The following MDGA2 variants were observed in gnomAD, a reference collection of about 807,000 sequenced individuals.
MDGA2 encodes the protein MAM domain-containing glycosylphosphatidylinositol anchor protein 2.
A neutral mutation model predicts 117.8 loss-of-function variants in MDGA2; 40 were observed. The observed-to-expected ratio is 0.34, with a 90% CI of 0.26 to 0.44. MDGA2 has a LOEUF of 0.44. Among genes scored for constraint, MDGA2 ranks in the 20% least tolerant of loss-of-function variants. The pLI, the probability that MDGA2 is intolerant of heterozygous loss-of-function variation, is 1.00. For missense variants in MDGA2, 1,123 were observed against 1,250.6 expected, an observed-to-expected ratio of 0.90 and a Z score of 1.54; for synonymous variants, 452 against 439.0, an observed-to-expected ratio of 1.03 and a Z score of -0.37.
intron 10 of MDGA2, among the ~76,000 whole-genome samples, chr14:46,890,872 T>G (rs1257833308): frequency 6.6e-6 from 1 of 152,104 alleles, no homozygotes; most frequent in Admixed American, 6.6e-5. Flanking sequence ...TGAAAAAACA[T>G]TGAATCTAAA....
chr14:46,896,019 T>C (rs971333244), intron 10 of MDGA2, among the ~76,000 whole-genome samples: 2 of 152,182 alleles, frequency 1.3e-5, no homozygotes, highest in African/African-American at 2.4e-5. Flanking sequence ...AAATTATTTA[T>C]AATAATAGCT....
At chr14:47,313,890 G>A (rs2139850560) in intron 1 of MDGA2, among the ~76,000 whole-genome samples, 1 of 152,120 alleles carries the variant, frequency 6.6e-6, no homozygotes, top group Admixed American at 6.5e-5. Context: ...ATTACTGTAA[G>A]ACGACAAATT....
chr14:46,996,956 T>C (rs17117907), intron 8 of MDGA2: 36,039 of 391,032 alleles, frequency 0.092, 2,374 homozygotes, highest in South Asian at 0.15. Context: ...GTAGGGAACT[T>C]TGGTGGGAAT....
rs34274638 is a variant in MDGA2, at chr14:47,375,201, GA to G, written c.281-73652del. On this transcript the variant is annotated intron_variant, in intron 1 of 16. Transcript: ENST00000399232. The stretch of plus-strand genomic sequence containing the variant: ...GACTTTCATATACAGTGCCTCTTAG[GA>G]AAAAAAAAAACATTTAGTAACAGTT... 3.2e-3 allele frequency among the ~76,000 whole-genome samples: 458 copies of G among 143,594 alleles called. 3 individuals carry two copies. The highest frequency in any genetic ancestry group is 0.011 in the Middle Eastern group (3 of 282). 94.2% of individuals were successfully genotyped at this position (143,594 alleles called of 152,430 possible).
chr14:47,287,940 G>C (rs1248563658), intron 2 of MDGA2, among the ~76,000 whole-genome samples: 2 of 152,132 alleles, frequency 1.3e-5, no homozygotes, highest in Non-Finnish European at 2.9e-5. Flanking sequence ...GGGACACCTA[G>C]GATTGCCAGC....
At chr14:46,964,546 A>G (rs570972268) in intron 8 of MDGA2, among the ~76,000 whole-genome samples, 1 of 152,322 alleles carries the variant, frequency 6.6e-6, no homozygotes, top group African/African-American at 2.4e-5. Flanking sequence ...TTGCTAGAAC[A>G]ACTTGAAAAC....
At chr14:47,076,870 A>C (rs972175481) in intron 6 of MDGA2, among the ~76,000 whole-genome samples, 16 of 152,126 alleles carry the variant, frequency 1.1e-4, no homozygotes, top group African/African-American at 3.9e-4. Context: ...TTATTCATGG[A>C]AACAAAATAG....
intron 1 of MDGA2, among the ~76,000 whole-genome samples, chr14:47,416,202 A>T (rs2138496829): frequency 6.6e-6 from 1 of 152,286 alleles, no homozygotes; most frequent in South Asian, 2.1e-4. Context: ...AGGGAAATTG[A>T]TCTGTAGCTG....
At chr14:47,375,908 CT>C (rs1287511401) in intron 1 of MDGA2, among the ~76,000 whole-genome samples, 3 of 152,116 alleles carry the variant, frequency 2.0e-5, no homozygotes, top group Non-Finnish European at 4.4e-5. Context: ...AGTGGGTAAT[CT>C]ATTACCTATT....
At chr14:47,373,387 C>T (rs1470689263) in intron 1 of MDGA2, among the ~76,000 whole-genome samples, 3 of 151,888 alleles carry the variant, frequency 2.0e-5, no homozygotes, top group Non-Finnish European at 1.5e-5. Flanking sequence ...ACATTCATAT[C>T]ATCACTATTT....
intron 3 of MDGA2, chr14:47,201,105 C>T (rs1885491152): frequency 9.9e-6 from 8 of 811,408 alleles, no homozygotes; most frequent in Admixed American, 5.1e-5. Context: ...CCTCCGCCAT[C>T]TTCGGCAGCA....
intron 1 of MDGA2, among the ~76,000 whole-genome samples, chr14:47,369,773 T>A (rs1891305661): frequency 1.3e-5 from 2 of 152,156 alleles, no homozygotes; most frequent in East Asian, 1.9e-4. Context: ...GATTAATCAT[T>A]AAAAAGTTGA....
At chr14:47,648,351 C>T (rs1180443647) in intron 1 of MDGA2, among the ~76,000 whole-genome samples, 3 of 152,084 alleles carry the variant, frequency 2.0e-5, no homozygotes, top group Admixed American at 1.3e-4. Context: ...AGTATATTCT[C>T]AGTAAATGGT....
intron 1 of MDGA2, among the ~76,000 whole-genome samples, chr14:47,469,181 G>A (rs1171538585): frequency 6.6e-6 from 1 of 151,694 alleles, no homozygotes; most frequent in Non-Finnish European, 1.5e-5. Flanking sequence ...TATTCTTTAA[G>A]TTTTAGGGTA....
rs912666823 is a variant in MDGA2 at position 46,946,393 on chromosome 14, C to CA, written c.2089+10980dup. 5.4e-3 allele frequency among the ~76,000 whole-genome samples: 787 copies of CA among 145,406 alleles called. 3 individuals carry two copies. Among genetic ancestry groups the CA allele is most frequent in the East Asian group, 0.013 (67 of 4,982 alleles). ...ACAAAACAATCTATTAATGTGCCTG[C>CA]AAAAAAAAAATGACCTTTTCAAAGG... On this transcript the variant is annotated intron_variant, in intron 9 of 16. Coordinates refer to ENST00000399232, the MANE Select transcript of MDGA2 (RefSeq NM_001113498.3).
chr14:47,345,774 G>A (rs1279038139), intron 1 of MDGA2, among the ~76,000 whole-genome samples: 5 of 152,122 alleles, frequency 3.3e-5, no homozygotes, highest in Admixed American at 2.0e-4. Context: ...CAGAAGTGTA[G>A]CATGTGTTTA....
intron 2 of MDGA2, chr14:47,299,201 G>A (rs1316309236): frequency 6.6e-6 from 1 of 152,218 alleles, no homozygotes; most frequent in Admixed American, 6.5e-5. Context: ...TTTGTCTAGA[G>A]GTCAAAGTTT....
At chr14:47,075,421 G>A (rs983062145) in intron 6 of MDGA2, among the ~76,000 whole-genome samples, 5 of 152,166 alleles carry the variant, frequency 3.3e-5, no homozygotes, top group Non-Finnish European at 2.9e-5. Context: ...CATATCTGAA[G>A]CTATTACCAA....
At chr14:47,396,022 A>G (rs181340171) in intron 1 of MDGA2, among the ~76,000 whole-genome samples, 1 of 152,186 alleles carries the variant, frequency 6.6e-6, no homozygotes, top group Non-Finnish European at 1.5e-5. Context: ...TATGTGTTTC[A>G]TAAGTGTTGG....
Sources: gnomAD v4.1 joint callset for allele counts (sites outside exome capture counted in the v4.1 genomes callset) on GRCh38, gnomAD v4.1.1 for gene constraint, MANE v1.5 for transcripts, NCBI Gene and HGNC (gene_info 2026-07-23, HGNC 2026-07-21) for gene names.